ARSB: variants seen among roughly 807,000 people sequenced by gnomAD.
The protein encoded by ARSB is arylsulfatase B, also known as N-acetylgalactosamine-4-sulfatase.
A neutral mutation model predicts 50.9 loss-of-function variants in ARSB; 41 were observed. That is an observed-to-expected ratio of 0.81 (90% CI 0.63 to 1.04). ARSB has a LOEUF of 1.04. Ranked by LOEUF, ARSB falls within the 50% of genes least tolerant of loss-of-function variation. ARSB has a pLI of 0.00. For synonymous variants in ARSB, 269 were observed against 284.8 expected (o/e 0.94, Z 0.56); for missense variants, 672 against 693.3 (o/e 0.97, Z 0.35).
intron 4 of ARSB, among the ~76,000 whole-genome samples, chr5:78,938,456 G>A (rs1341420760): frequency 2.6e-5 from 4 of 152,090 alleles, no homozygotes; most frequent in Admixed American, 6.5e-5. Flanking sequence ...TGATAGACGC[G>A]CCAAATAAAT....
intron 4 of ARSB, among the ~76,000 whole-genome samples, chr5:78,920,049 A>T (rs1749730236): frequency 6.6e-6 from 1 of 151,962 alleles, no homozygotes; most frequent in African/African-American, 2.4e-5. Context: ...AGGGAAAAAA[A>T]GGCCAGCTTC....
chr5:78,841,762 G>A (rs1170261094), intron 5 of ARSB, among the ~76,000 whole-genome samples: 1 of 151,916 alleles, frequency 6.6e-6, no homozygotes, highest in East Asian at 1.9e-4. Flanking sequence ...AATTTAATAC[G>A]ATGAGATGAT....
intron 6 of ARSB, among the ~76,000 whole-genome samples, chr5:78,827,663 T>C (rs1264403306): frequency 6.6e-6 from 1 of 152,226 alleles, no homozygotes; most frequent in Non-Finnish European, 1.5e-5. Flanking sequence ...GGACTTCCTC[T>C]TGGTTGAGGC....
Position 78,805,805 on chromosome 5 carries a change from T to G in ARSB, c.1214-23831A>C, listed in dbSNP as rs147869743. 1.5e-3 allele frequency among the ~76,000 whole-genome samples: 221 copies of G among 152,244 alleles called. 3 individuals are homozygous for G. The East Asian group carries it at 0.019, about 13-fold the overall frequency. Reference sequence around the variant, plus strand: ...GTGGGTTCCGGGGCACAGTCACACTTAGACACGATGCCTGTGGAACTGGTC... The same window carrying G: ...GTGGGTTCCGGGGCACAGTCACACTGAGACACGATGCCTGTGGAACTGGTC... On this transcript the variant is annotated intron_variant, in intron 6 of 7. Coordinates refer to ENST00000264914, the MANE Select transcript of ARSB (RefSeq NM_000046.5).
At chr5:78,795,392 C>T (rs918876974) in intron 6 of ARSB, among the ~76,000 whole-genome samples, 6 of 152,160 alleles carry the variant, frequency 3.9e-5, no homozygotes, top group African/African-American at 1.4e-4. Context: ...CTGGGAGCCA[C>T]ACCAGCTTTG....
chr5:78,974,505 A>G (rs1752585129), intron 1 of ARSB, among the ~76,000 whole-genome samples: 1 of 152,254 alleles, frequency 6.6e-6, no homozygotes, highest in Non-Finnish European at 1.5e-5. Flanking sequence ...GCTGAGGGAA[A>G]GGAATCTCTC....
intron 6 of ARSB, chr5:78,815,636 G>A (rs1265087274): frequency 1.0e-6 from 1 of 1,001,038 alleles, no homozygotes; most frequent in Admixed American, 5.3e-5. Context: ...TATGCTATTA[G>A]GTAATAAGAA....
At chr5:78,787,428 AG>A (rs1326156248) in intron 6 of ARSB, among the ~76,000 whole-genome samples, 1 of 152,234 alleles carries the variant, frequency 6.6e-6, no homozygotes, top group Non-Finnish European at 1.5e-5. Context: ...GACCCAAGAC[AG>A]GAGGCAGAGG....
At chr5:78,957,624 C>T (rs1448211472) in intron 3 of ARSB, among the ~76,000 whole-genome samples, 4 of 152,208 alleles carry the variant, frequency 2.6e-5, no homozygotes, top group Non-Finnish European at 5.9e-5. Flanking sequence ...TCTATAACCT[C>T]TGACACCATT....
chr5:78,897,753 T>C (rs1748631235), intron 4 of ARSB, among the ~76,000 whole-genome samples: 1 of 152,116 alleles, frequency 6.6e-6, no homozygotes, highest in Admixed American at 6.5e-5. Context: ...CTCATAATAA[T>C]TATTTTTCAG....
At chr5:78,914,640 G>A (rs1749459295) in intron 4 of ARSB, among the ~76,000 whole-genome samples, 1 of 152,180 alleles carries the variant, frequency 6.6e-6, no homozygotes, top group Non-Finnish European at 1.5e-5. Context: ...AGAGCCATCA[G>A]ATGATGCCAA....
chr5:78,939,025 C>T (rs950731578), intron 4 of ARSB, among the ~76,000 whole-genome samples: 1 of 152,184 alleles, frequency 6.6e-6, no homozygotes, highest in African/African-American at 2.4e-5. Context: ...ACAACCAAAC[C>T]ACTTCTGCTC....
intron 4 of ARSB, among the ~76,000 whole-genome samples, chr5:78,906,126 A>C (rs1263848299): frequency 3.3e-5 from 5 of 151,760 alleles, no homozygotes; most frequent in Non-Finnish European, 7.4e-5. Context: ...CACACCAGCC[A>C]GGCAACATAG....
At chr5:78,900,060 A>T (rs1445148053) in intron 4 of ARSB, among the ~76,000 whole-genome samples, 1 of 152,048 alleles carries the variant, frequency 6.6e-6, no homozygotes, top group Non-Finnish European at 1.5e-5. Context: ...AAACGGTTGC[A>T]GTGCTGCCTG....
rs75419787 is a variant in ARSB at position 78,899,480 on chromosome 5, T to C, written c.899-13653A>G. ...GATTTGGTCTTTTGAGGTAATTTTTTACATATTGTAGGTGGTCTTTGTTAC... is the reference window on the plus strand; with the variant it reads ...GATTTGGTCTTTTGAGGTAATTTTTCACATATTGTAGGTGGTCTTTGTTAC... On this transcript the variant is annotated intron_variant, in intron 4 of 7. Coordinates refer to ENST00000264914, the MANE Select transcript of ARSB (RefSeq NM_000046.5). Among the ~76,000 whole-genome samples the C allele has an allele frequency of 5.7e-3, 864 of 152,326 alleles. 12 individuals carry two copies. The highest frequency in any genetic ancestry group is 0.02 in the African/African-American group (832 of 41,572).
At chr5:78,813,157 C>T (rs1383353141) in intron 6 of ARSB, among the ~76,000 whole-genome samples, 2 of 151,922 alleles carry the variant, frequency 1.3e-5, no homozygotes, top group African/African-American at 4.8e-5. Flanking sequence ...CTCTGCCTCC[C>T]GGGTTCAAGT....
intron 4 of ARSB, among the ~76,000 whole-genome samples, chr5:78,905,847 T>C (rs1447507218): frequency 6.7e-6 from 1 of 150,018 alleles, no homozygotes; most frequent in African/African-American, 2.5e-5. Flanking sequence ...TTCTGTTAGG[T>C]TGTAGTTCCC....
chr5:78,829,640 G>A (rs1744584518), intron 6 of ARSB, among the ~76,000 whole-genome samples: 1 of 152,080 alleles, frequency 6.6e-6, no homozygotes, highest in South Asian at 2.1e-4. Flanking sequence ...CTTACATTAT[G>A]GGTTACTAAA....
intron 6 of ARSB, among the ~76,000 whole-genome samples, chr5:78,819,774 G>GA (rs1744138077): frequency 6.6e-6 from 1 of 152,238 alleles, no homozygotes; most frequent in African/African-American, 2.4e-5. Context: ...AGGTAGAGAG[G>GA]AAAAAGGCAG....
Sources: gnomAD v4.1 joint callset for allele counts (sites outside exome capture counted in the v4.1 genomes callset) on GRCh38, gnomAD v4.1.1 for gene constraint, MANE v1.5 for transcripts, NCBI Gene and HGNC (gene_info 2026-07-23, HGNC 2026-07-21) for gene names.